Variants in ZNF490 observed in about 807,000 individuals in gnomAD.
ZNF490 encodes the protein zinc finger protein 490.
In ZNF490, 11 loss-of-function variants were observed where a neutral mutation model predicts 17.7. The ratio of observed to expected loss-of-function variants is 0.62; its 90% CI spans 0.39 to 1.03. ZNF490 has a LOEUF of 1.03. Among genes scored for constraint, ZNF490 ranks in the 50% least tolerant of loss-of-function variants. The probability of loss-of-function intolerance (pLI) is 0.00; values close to 1 mark genes in which losing one functional copy is unlikely to be tolerated. For synonymous variants in ZNF490, 222 were observed against 216.1 expected, an observed-to-expected ratio of 1.03 and a Z score of -0.24; for missense variants, 542 against 643.4, an observed-to-expected ratio of 0.84 and a Z score of 1.71.
intron 2 of ZNF490, among the ~76,000 whole-genome samples, chr19:12,598,986 C>CAA (rs961842896): frequency 1.6e-5 from 2 of 127,310 alleles, no homozygotes; most frequent in South Asian, 2.5e-4. Flanking sequence ...GACTCCATCT[C>CAA]AAAAAAAAAA....
chr19:12,597,447 G>A, intron 2 of ZNF490: 1 of 269,908 alleles, frequency 3.7e-6, no homozygotes, highest in Non-Finnish European at 7.5e-6. Flanking sequence ...TTTTCCCGGC[G>A]GGGATATTTG....
intron 2 of ZNF490, among the ~76,000 whole-genome samples, chr19:12,586,235 G>A (rs1332148708): frequency 1.1e-5 from 1 of 93,064 alleles, no homozygotes; most frequent in Admixed American, 1.0e-4. Flanking sequence ...GGAGGCAGAG[G>A]TTGCAGTGAG....
chr19:12,595,139 T>C (rs2022915843), intron 2 of ZNF490, among the ~76,000 whole-genome samples: 1 of 152,044 alleles, frequency 6.6e-6, no homozygotes, highest in African/African-American at 2.4e-5. Context: ...CAGTGTCCTT[T>C]TCTCTCTCTT....
intron 1 of ZNF490, among the ~76,000 whole-genome samples, chr19:12,610,318 C>A (rs904388113): frequency 1.3e-5 from 2 of 149,582 alleles, no homozygotes; most frequent in African/African-American, 2.5e-5. Flanking sequence ...ACCTCCCCCA[C>A]CGCCCCCACC....
chr19:12,578,318 C>T lies in ZNF490; in HGVS notation c.*2167G>A. ...GACATGGCAGAGTGTGTCTGTGACT[C>T]CACTAGCAGTTTTGAGATTATTCTG... On this transcript the variant is annotated 3_prime_UTR_variant, in exon 5 of 5. Coordinates refer to ENST00000311437, the MANE Select transcript of ZNF490 (RefSeq NM_020714.3). 1 of 985,542 alleles carries T rather than the reference C, an allele frequency of 1.0e-6. No individual in the cohort carries two copies. Among genetic ancestry groups the T allele is most frequent in the Non-Finnish European group, 1.2e-6 (1 of 830,030 alleles). The allele number at this position is 985,542 out of a possible 1,614,324, so 61.0% of individuals were successfully genotyped here.
chr19:12,583,104 C>T (rs980846321), intron 3 of ZNF490, among the ~76,000 whole-genome samples, 194 bp from the exon 4 acceptor site: 6 of 150,896 alleles, frequency 4.0e-5, no homozygotes, highest in African/African-American at 9.8e-5. Context: ...TGCAATGGCG[C>T]GGTCTCAGCT....
chr19:12,580,730 T>G lies in ZNF490; in HGVS notation c.1345A>C (p.Lys449Gln). ...TAAATGAAGACCCGACCACACTGTT[T>G]GCATTCATAGGGTTTCTCTCTAGTA... is the stretch of plus-strand genomic sequence containing the variant. The part of the protein sequence containing the change: ...THTREKPYEC[K>Q]QCGRVFIYFS... Residue 449 changes from lysine (K) to glutamine (Q), a missense_variant, in exon 5 of 5, where the codon AAA (lysine) becomes CAA (glutamine). Physicochemically the swap from Lys to Gln is moderately conservative, Grantham distance 53. Transcript: ENST00000311437. The G allele has an allele frequency of 6.2e-7, 1 of 1,614,216 alleles. No individual in the cohort carries two copies.
rs756604049 is a variant in ZNF490, at chr19:12,576,764, C to A, written c.*3721G>T. Among the ~76,000 whole-genome samples, 15 of 143,340 alleles carry A rather than the reference C, an allele frequency of 1.0e-4. No homozygotes were observed. The highest frequency in any genetic ancestry group is 4.3e-4 in the Admixed American group (6 of 14,038). 94.0% of individuals were successfully genotyped at this position (143,340 alleles called of 152,430 possible). Reference sequence around the variant, plus strand: ...CCTGAGAAGTGGAGGTTGCAGTGAGCCAAGATTGTGCCACTGCACTCCAGC... The same window carrying A: ...CCTGAGAAGTGGAGGTTGCAGTGAGACAAGATTGTGCCACTGCACTCCAGC... On this transcript the variant is annotated 3_prime_UTR_variant, in exon 5 of 5. Transcript: ENST00000311437.
intron 2 of ZNF490, among the ~76,000 whole-genome samples, chr19:12,585,424 A>G (rs1189902522): frequency 1.1e-5 from 1 of 92,416 alleles, no homozygotes; most frequent in East Asian, 2.1e-4. Context: ...GTCTTTCGGG[A>G]CATCAATCCC....
At chr19:12,599,139 C>CAAAAAAAAAAAAAAAAAA (rs55911311) in intron 2 of ZNF490, among the ~76,000 whole-genome samples, 1 of 68,632 alleles carries the variant, frequency 1.5e-5, no homozygotes, top group African/African-American at 6.7e-5. Context: ...GACTCTGTCT[C>CAAAAAAAAAAAAAAAAAA]AAAAAAAAAA....
At chr19:12,596,639 T>C (rs1320086849) in intron 2 of ZNF490, among the ~76,000 whole-genome samples, 1 of 152,164 alleles carries the variant, frequency 6.6e-6, no homozygotes, top group African/African-American at 2.4e-5. Context: ...CACTTCAGCC[T>C]GGGCGACACT....
At chr19:12,607,112 G>A (rs899908768) in intron 2 of ZNF490, among the ~76,000 whole-genome samples, 3 of 152,068 alleles carry the variant, frequency 2.0e-5, no homozygotes, top group Non-Finnish European at 2.9e-5. Flanking sequence ...GGCTGATGTG[G>A]GAGGATCACT....
Position 12,580,191 on chromosome 19 carries a change from T to C in ZNF490, c.*294A>G. The C allele has an allele frequency of 8.7e-7, 1 of 1,150,524 alleles. No homozygotes were observed. Among genetic ancestry groups the C allele is most frequent in the Non-Finnish European group, 1.1e-6 (1 of 934,062 alleles). 71.3% of individuals were successfully genotyped at this position (1,150,524 alleles called of 1,614,324 possible). A position where few individuals can be genotyped will look rare whatever the true frequency, so the allele number is the denominator to read the frequency against. On this transcript the variant is annotated 3_prime_UTR_variant, in exon 5 of 5. Transcript: ENST00000311437. ...TTTATAGTTTCTCTCCAGTATATAT[T>C]CTCAGGTGTCTTTAAAAGATTACGT...
At chr19:12,596,309 G>C (rs1236458475) in intron 2 of ZNF490, among the ~76,000 whole-genome samples, 1 of 142,036 alleles carries the variant, frequency 7.0e-6, no homozygotes, top group African/African-American at 2.6e-5. Context: ...CCAAGGGAAA[G>C]AAACGCAAAT....
At chr19:12,602,264 T>C (rs1599312915) in intron 2 of ZNF490, among the ~76,000 whole-genome samples, 1 of 151,754 alleles carries the variant, frequency 6.6e-6, no homozygotes, top group Admixed American at 6.6e-5. Flanking sequence ...CAGAAAACCT[T>C]TGGCTGGCGC....
Position 12,578,190 on chromosome 19 carries a change from G to A in ZNF490, c.*2295C>T, listed in dbSNP as rs2022671577. The A allele has an allele frequency of 1.0e-6, 1 of 985,360 alleles. No homozygotes were observed. The highest frequency in any genetic ancestry group is 1.2e-6 in the Non-Finnish European group (1 of 829,970). 61.0% of individuals were successfully genotyped at this position (985,360 alleles called of 1,614,324 possible). Reference sequence around the variant, plus strand: ...CATGCACTGACGTGAGAAGGCCGGAGCATCATCAGTGCATATGCCGCTGAA... The same window carrying A: ...CATGCACTGACGTGAGAAGGCCGGAACATCATCAGTGCATATGCCGCTGAA... On this transcript the variant is annotated 3_prime_UTR_variant, in exon 5 of 5. Transcript: ENST00000311437.
At chr19:12,606,794 G>A (rs990202939) in intron 2 of ZNF490, among the ~76,000 whole-genome samples, 1 of 151,998 alleles carries the variant, frequency 6.6e-6, no homozygotes, top group Non-Finnish European at 1.5e-5. Context: ...TTTCCATATG[G>A]TAGATTTCCA....
intron 2 of ZNF490, among the ~76,000 whole-genome samples, chr19:12,608,204 G>C (rs950177143): frequency 3.3e-5 from 5 of 152,134 alleles, no homozygotes; most frequent in Admixed American, 6.6e-5. Context: ...TCCGTCTCTT[G>C]CATGTTTACC....
intron 4 of ZNF490, 47 bp downstream of exon 4, chr19:12,582,803 C>T (rs2022755817): frequency 1.4e-6 from 2 of 1,399,144 alleles, no homozygotes; most frequent in Non-Finnish European, 2.0e-6. Context: ...TTATGAAATA[C>T]TAAGATTCTC....
Sources: allele counts gnomAD v4.1 joint callset (sites outside exome capture counted in the v4.1 genomes callset), GRCh38; gene constraint gnomAD v4.1.1; transcripts MANE v1.5; gene names NCBI Gene and HGNC (gene_info 2026-07-23, HGNC 2026-07-21).